The following SPTLC3 variants were observed in gnomAD, a reference collection of about 807,000 sequenced individuals.
SPTLC3 encodes the protein serine palmitoyltransferase long chain base subunit 3, also known as serine palmitoyltransferase 3.
Under a neutral mutation model 59.3 loss-of-function variants are expected in SPTLC3, and 36 were observed. That is an observed-to-expected ratio of 0.61 (90% CI 0.47 to 0.80). The LOEUF is 0.80. Ranked by LOEUF, SPTLC3 falls within the 30% of genes least tolerant of loss-of-function variation. SPTLC3 has a pLI of 0.00. For synonymous variants in SPTLC3, 257 were observed against 240.8 expected, an observed-to-expected ratio of 1.07 and a Z score of -0.62; for missense variants, 625 against 685.1, an observed-to-expected ratio of 0.91 and a Z score of 0.98.
chr20:13,132,474 C>A (rs2038143560), intron 9 of SPTLC3, among the ~76,000 whole-genome samples: 1 of 151,982 alleles, frequency 6.6e-6, no homozygotes, highest in African/African-American at 2.4e-5. Flanking sequence ...CCGCACCCAG[C>A]CGCTTTAATC....
chr20:13,141,920 C>T (rs1035398270), intron 9 of SPTLC3, among the ~76,000 whole-genome samples: 1 of 152,154 alleles, frequency 6.6e-6, no homozygotes, highest in African/African-American at 2.4e-5. Context: ...ATCAAGGTGA[C>T]AGACATTGCC....
chr20:13,145,289 G>T (rs1041464919), intron 9 of SPTLC3, among the ~76,000 whole-genome samples: 6 of 152,110 alleles, frequency 3.9e-5, no homozygotes, highest in African/African-American at 1.4e-4. Flanking sequence ...CTTCAGCAAA[G>T]TTGCAGGAAA....
chr20:13,048,247 TTG>T (rs1987317735), intron 1 of SPTLC3, among the ~76,000 whole-genome samples: 1 of 152,160 alleles, frequency 6.6e-6, no homozygotes, highest in African/African-American at 2.4e-5. Flanking sequence ...TGCTCAAAAT[TTG>T]TCTTTCACCT....
intron 3 of SPTLC3, chr20:13,074,128 C>G (rs1988552077): frequency 2.8e-6 from 2 of 715,466 alleles, no homozygotes; most frequent in East Asian, 5.5e-5. Context: ...GTGCCCGGCA[C>G]TGGCTGAGGG....
At chr20:13,046,254 A>C (rs550288317) in intron 1 of SPTLC3, among the ~76,000 whole-genome samples, 2 of 152,152 alleles carry the variant, frequency 1.3e-5, no homozygotes, top group Non-Finnish European at 2.9e-5. Context: ...TGTGGCCCGT[A>C]GTAATTGACT....
intron 1 of SPTLC3, among the ~76,000 whole-genome samples, chr20:13,019,085 G>A (rs955007924): frequency 5.3e-5 from 8 of 152,078 alleles, no homozygotes; most frequent in Middle Eastern, 3.2e-3. Context: ...TGAGCCCAGC[G>A]GAGTTTCAGA....
chr20:13,124,219 C>T (rs550386311), intron 8 of SPTLC3, among the ~76,000 whole-genome samples: 8 of 152,108 alleles, frequency 5.3e-5, no homozygotes, highest in Non-Finnish European at 1.0e-4. Flanking sequence ...GCCTTATGGT[C>T]CCTTTCTATC....
intron 9 of SPTLC3, among the ~76,000 whole-genome samples, chr20:13,137,177 T>G (rs1427022694): frequency 6.6e-6 from 1 of 152,160 alleles, no homozygotes; most frequent in Non-Finnish European, 1.5e-5. Flanking sequence ...GAGGAAATAT[T>G]CAATAGAAAT....
intron 8 of SPTLC3, among the ~76,000 whole-genome samples, chr20:13,122,616 A>G (rs1003018148): frequency 5.9e-5 from 9 of 152,244 alleles, no homozygotes; most frequent in Admixed American, 3.3e-4. Flanking sequence ...ATGGGAATTA[A>G]AACAGTACCT....
intron 10 of SPTLC3, among the ~76,000 whole-genome samples, chr20:13,156,326 C>G (rs1000004749): frequency 2.0e-5 from 3 of 152,090 alleles, no homozygotes; most frequent in Non-Finnish European, 4.4e-5. Context: ...AAAAATGAAC[C>G]AACCCAATGA....
rs544033838 is a variant in SPTLC3, at chr20:13,105,199, G to A, written c.827-4913G>A. 2.1e-4 allele frequency among the ~76,000 whole-genome samples: 32 copies of A among 152,156 alleles called. No individual in the cohort carries two copies. The South Asian group carries it at 6.6e-3, about 32-fold the overall frequency. On this transcript the variant is annotated intron_variant, in intron 6 of 11. Coordinates refer to ENST00000399002, the MANE Select transcript of SPTLC3 (RefSeq NM_018327.4). Reference sequence around the variant, plus strand: ...GGTGGGGCCAGAATCCAGGCCGAGCGCAGTCTTCCCTTTTCCTGTGTAGCT... The same window carrying A: ...GGTGGGGCCAGAATCCAGGCCGAGCACAGTCTTCCCTTTTCCTGTGTAGCT...
In SPTLC3 at chr20:13,146,505, G is replaced by A. The variant is rs73085900; in HGVS notation, c.1280-7498G>A. ...CTTCCCATATTAGCTCATTTAATGT[G>A]TAAAATTACATAATTAATGGCTTGC... On this transcript the variant is annotated intron_variant, in intron 9 of 11. Coordinates refer to ENST00000399002, the MANE Select transcript of SPTLC3 (RefSeq NM_018327.4). 5.5e-4 allele frequency among the ~76,000 whole-genome samples: 84 copies of A among 152,226 alleles called. 1 individual carries two copies. Among genetic ancestry groups the A allele is most frequent in the Admixed American group, 1.4e-3 (21 of 15,298 alleles).
chr20:13,042,069 A>T (rs1987007710), intron 1 of SPTLC3, among the ~76,000 whole-genome samples: 1 of 152,208 alleles, frequency 6.6e-6, no homozygotes, highest in African/African-American at 2.4e-5. Flanking sequence ...AATTAAATTC[A>T]TGATCCTTGG....
intron 9 of SPTLC3, among the ~76,000 whole-genome samples, chr20:13,143,701 G>T (rs1297486006): frequency 6.6e-6 from 1 of 152,202 alleles, no homozygotes; most frequent in East Asian, 1.9e-4. Flanking sequence ...GAAACCAAAA[G>T]GTTTTAATTC....
chr20:13,113,861 A>C (rs1990383055), intron 7 of SPTLC3, among the ~76,000 whole-genome samples: 1 of 152,208 alleles, frequency 6.6e-6, no homozygotes, highest in East Asian at 1.9e-4. Context: ...TCCATCCAGA[A>C]AGTGGCTGTT....
chr20:13,063,930 A>G (rs1042746680), intron 2 of SPTLC3, among the ~76,000 whole-genome samples: 1 of 152,174 alleles, frequency 6.6e-6, no homozygotes, highest in Non-Finnish European at 1.5e-5. Context: ...TGCTGGGATT[A>G]CAGGCATGAG....
chr20:13,043,067 C>T (rs1897293), intron 1 of SPTLC3, among the ~76,000 whole-genome samples: 93,174 of 151,960 alleles, frequency 0.61, 29,060 homozygotes, highest in South Asian at 0.67. Context: ...TGTTTCCCTA[C>T]GCAAAACCTA....
At chr20:13,115,538 T>G (rs1385958730) in intron 7 of SPTLC3, among the ~76,000 whole-genome samples, 2 of 152,146 alleles carry the variant, frequency 1.3e-5, no homozygotes, top group Non-Finnish European at 2.9e-5. Context: ...CATGTCAGGT[T>G]TTTTGGCATA....
At chr20:13,126,495 T>C in intron 8 of SPTLC3, 96 bp from the exon 9 acceptor site, 6 of 1,417,394 alleles carry the variant, frequency 4.2e-6, no homozygotes, top group Non-Finnish European at 5.7e-6. Flanking sequence ...ATCAAATGTC[T>C]TTTGCTATGA....
Sources: allele counts gnomAD v4.1 joint callset (sites outside exome capture counted in the v4.1 genomes callset), GRCh38; gene constraint gnomAD v4.1.1; transcripts MANE v1.5; gene names NCBI Gene and HGNC (gene_info 2026-07-23, HGNC 2026-07-21).